Variants in NAALADL2 observed in about 807,000 individuals in gnomAD.
NAALADL2 encodes the protein inactive N-acetylated-alpha-linked acidic dipeptidase-like protein 2.
Under a neutral mutation model 87.2 loss-of-function variants are expected in NAALADL2, and 76 were observed. That is an observed-to-expected ratio of 0.87 (90% CI 0.72 to 1.05). The LOEUF (loss-of-function observed/expected upper bound fraction) is 1.05. Among genes scored for constraint, NAALADL2 ranks in the 50% least tolerant of loss-of-function variants. The probability of loss-of-function intolerance (pLI) is 0.00; values close to 1 mark genes in which losing one functional copy is unlikely to be tolerated. For synonymous variants in NAALADL2, 354 were observed against 331.0 expected (o/e 1.07, Z -0.75); for missense variants, 1,089 against 945.8 (o/e 1.15, Z -1.99).
At chr3:175,129,105 AT>A (rs59305146) in intron 2 of NAALADL2, among the ~76,000 whole-genome samples, 36,407 of 149,156 alleles carry the variant, frequency 0.24, 5,640 homozygotes, top group African/African-American at 0.45. Flanking sequence ...TGCCTGGCTA[AT>A]TTTTTTTTTT....
intron 11 of NAALADL2, among the ~76,000 whole-genome samples, chr3:175,698,246 T>C (rs546370561): frequency 1.5e-5 from 1 of 68,252 alleles, no homozygotes; most frequent in Non-Finnish European, 2.4e-5. Context: ...TACATATATA[T>C]GTGTATATAT....
chr3:175,297,271 A>C (rs1756508022), intron 4 of NAALADL2, among the ~76,000 whole-genome samples: 1 of 152,188 alleles, frequency 6.6e-6, no homozygotes, highest in Non-Finnish European at 1.5e-5. Context: ...TAAGTGTTCA[A>C]CATAGCACTC....
intron 2 of NAALADL2, among the ~76,000 whole-genome samples, chr3:175,195,031 C>G (rs1055240284): frequency 4.0e-5 from 6 of 151,564 alleles, no homozygotes; most frequent in Non-Finnish European, 8.9e-5. Context: ...TTAATTCTCT[C>G]TCTCTCTCTC....
intron 1 of NAALADL2, among the ~76,000 whole-genome samples, chr3:174,994,764 AT>A (rs1747202389): frequency 6.6e-6 from 1 of 152,194 alleles, no homozygotes; most frequent in Non-Finnish European, 1.5e-5. Context: ...CCGTTTGGAA[AT>A]TCTCAAATTT....
At chr3:175,246,003 T>C (rs1324485522) in intron 3 of NAALADL2, among the ~76,000 whole-genome samples, 2 of 152,170 alleles carry the variant, frequency 1.3e-5, no homozygotes, top group Non-Finnish European at 2.9e-5. Context: ...GAAGGCAGTG[T>C]TGGTTTTCAT....
chr3:175,533,197 C>T (rs562086456), intron 9 of NAALADL2, among the ~76,000 whole-genome samples: 5 of 152,206 alleles, frequency 3.3e-5, no homozygotes, highest in Non-Finnish European at 7.3e-5. Context: ...CCACCATTAT[C>T]CCATGCCCTT....
intron 2 of NAALADL2, among the ~76,000 whole-genome samples, chr3:175,233,139 A>T (rs1005882361): frequency 6.6e-6 from 1 of 152,206 alleles, no homozygotes; most frequent in African/African-American, 2.4e-5. Context: ...TTTATTGGAA[A>T]ACATTGTGCT....
At chr3:174,838,376 C>A (rs1015733864) in intron 3 of NAALADL2, among the ~76,000 whole-genome samples, 1 of 152,130 alleles carries the variant, frequency 6.6e-6, no homozygotes, top group Non-Finnish European at 1.5e-5. Context: ...GACAGACCCA[C>A]GGCCAACATA....
intron 5 of NAALADL2, among the ~76,000 whole-genome samples, chr3:175,356,016 G>A (rs949858872): frequency 6.6e-6 from 1 of 152,078 alleles, no homozygotes; most frequent in Non-Finnish European, 1.5e-5. Context: ...AGCTTGGAGT[G>A]AAAACTCCAT....
At chr3:175,199,414 A>G (rs977051631) in intron 2 of NAALADL2, among the ~76,000 whole-genome samples, 1 of 152,000 alleles carries the variant, frequency 6.6e-6, no homozygotes, top group African/African-American at 2.4e-5. Context: ...CTTTACTCCT[A>G]TCTAAAATTT....
chr3:174,647,077 G>C (rs1723870268), intron 2 of NAALADL2, among the ~76,000 whole-genome samples: 1 of 151,952 alleles, frequency 6.6e-6, no homozygotes, highest in Non-Finnish European at 1.5e-5. Context: ...ACTTACTATA[G>C]TTTAAATAAC....
At chr3:175,581,213 G>A (rs1010064933) in intron 10 of NAALADL2, 11 of 330,378 alleles carry the variant, frequency 3.3e-5, no homozygotes, top group East Asian at 1.0e-4. Flanking sequence ...AGGCTGAGGC[G>A]GGAGGATCAC....
At chr3:175,562,188 T>C (rs1198882499) in intron 9 of NAALADL2, among the ~76,000 whole-genome samples, 1 of 152,180 alleles carries the variant, frequency 6.6e-6, no homozygotes, top group African/African-American at 2.4e-5. Context: ...TCAAGAATAC[T>C]GGACTTAGAA....
chr3:175,722,232 A>C (rs1415530151), intron 11 of NAALADL2, among the ~76,000 whole-genome samples: 1 of 152,132 alleles, frequency 6.6e-6, no homozygotes, highest in East Asian at 1.9e-4. Flanking sequence ...TTATTTCATC[A>C]GTTGCTGCCC....
chr3:175,504,555 C>G (rs541755328), intron 9 of NAALADL2, among the ~76,000 whole-genome samples: 23 of 133,136 alleles, frequency 1.7e-4, no homozygotes, highest in Non-Finnish European at 1.6e-5. Context: ...TTCTCTCTGT[C>G]TCTCTCTGTT....
chr3:175,257,371 GT>G (rs147239726), intron 4 of NAALADL2, among the ~76,000 whole-genome samples: 22 of 147,972 alleles, frequency 1.5e-4, no homozygotes, highest in Admixed American at 3.4e-4. Flanking sequence ...TCCTATGTCT[GT>G]TTTTTTTTTA....
chr3:175,035,071 G>A (rs951023880), intron 1 of NAALADL2, among the ~76,000 whole-genome samples: 13 of 152,172 alleles, frequency 8.5e-5, no homozygotes, highest in African/African-American at 3.1e-4. Flanking sequence ...AATGAATGAA[G>A]GTTATGAGAG....
At chr3:174,806,743 G>T (rs1412674115) in intron 3 of NAALADL2, among the ~76,000 whole-genome samples, 1 of 152,130 alleles carries the variant, frequency 6.6e-6, no homozygotes, top group African/African-American at 2.4e-5. Context: ...TGTATTGACA[G>T]AATTTTCAGA....
chr3:174,619,988 T>C (rs534764832), intron 2 of NAALADL2, among the ~76,000 whole-genome samples: 17 of 152,060 alleles, frequency 1.1e-4, no homozygotes, highest in African/African-American at 3.9e-4. Context: ...CCATCTTATG[T>C]ATGAGGGAAG....
Sources: gnomAD v4.1 joint callset for allele counts (sites outside exome capture counted in the v4.1 genomes callset) on GRCh38, gnomAD v4.1.1 for gene constraint, MANE v1.5 for transcripts, NCBI Gene and HGNC (gene_info 2026-07-23, HGNC 2026-07-21) for gene names.